FRMPD1: variants seen among roughly 807,000 people sequenced by gnomAD.
FRMPD1 encodes FERM and PDZ domain-containing protein 1.
In FRMPD1, 76 loss-of-function variants were observed where a neutral mutation model predicts 117.8. That is an observed-to-expected ratio of 0.65 (90% confidence interval 0.54 to 0.78). The LOEUF (loss-of-function observed/expected upper bound fraction) is 0.78. Ranked by LOEUF, FRMPD1 falls within the 30% of genes least tolerant of loss-of-function variation. The probability of loss-of-function intolerance (pLI) is 0.00; values close to 1 mark genes in which losing one functional copy is unlikely to be tolerated. For synonymous variants in FRMPD1, 783 were observed against 770.4 expected, an observed-to-expected ratio of 1.02 and a Z score of -0.27; for missense variants, 1,786 against 1,964.5, an observed-to-expected ratio of 0.91 and a Z score of 1.72.
In FRMPD1 at chr9:37,732,407, C is replaced by T. The variant is rs750198871; in HGVS notation, c.962C>T (p.Ala321Val). The T allele has an allele frequency of 8.7e-6, 14 of 1,613,374 alleles. No homozygotes were observed. In the South Asian group the frequency reaches 1.4e-4, roughly 16 times the overall value. Residue 321 changes from alanine (A) to valine (V), a missense_variant, in exon 10 of 16, where the codon GCC becomes GTC. Coordinates refer to ENST00000377765, the MANE Select transcript of FRMPD1 (RefSeq NM_014907.3). ...LHIQERIYACAQPQKISLKYI... is the reference protein window; with the variant it reads ...LHIQERIYACVQPQKISLKYI... ...ATCCAGGAACGGATCTACGCCTGTG[C>T]CCAGCCACAGAAGATCTCTTTAAAG...
chr9:37,673,956 G>A (rs1271248871), intron 1 of FRMPD1, among the ~76,000 whole-genome samples: 2 of 152,230 alleles, frequency 1.3e-5, no homozygotes, highest in South Asian at 4.1e-4. Context: ...TGCCATGAAG[G>A]TCTCTGACAT....
rs79905833 is a variant in FRMPD1 at position 37,696,725 on chromosome 9, A to C, written c.101+3983A>C. 2.0e-3 allele frequency among the ~76,000 whole-genome samples: 310 copies of C among 152,356 alleles called. 1 individual carries two copies. Among genetic ancestry groups the C allele is most frequent in the African/African-American group, 7.0e-3 (292 of 41,586 alleles). On this transcript the variant is annotated intron_variant, in intron 2 of 15. Transcript: ENST00000377765. The stretch of plus-strand genomic sequence containing the variant: ...AAGGAAGTGTATTGAAATGTCCTCT[A>C]TAGTGCAGAAGGAAGAAACACAGAT...
the FRMPD1 span, among the ~76,000 whole-genome samples, chr9:37,612,333 GTTTGTTTTTGCT>G: frequency 6.6e-6 from 1 of 151,626 alleles, no homozygotes; most frequent in Non-Finnish European, 1.5e-5. Flanking sequence ...TTTTGTTTTT[GTTTGTTTTTGCT>G]TTTGTTTTTG....
chr9:37,744,715 G>T lies in FRMPD1; in HGVS notation c.2683G>T (p.Gly895Cys), dbSNP rs762174970. ...TCTGCAGGACATGCAGGGTGAGCCT[G>T]GCCTTCTGGAGACCAAGGCCTTGGG... ...SSLQDMQGEP[G>C]LLETKALGLL... Residue 895 changes from glycine to cysteine, a missense_variant, in exon 16 of 16, where the codon GGC (glycine) becomes TGC (cysteine). Gly to Cys is a radical substitution (Grantham distance 159, BLOSUM62 -3). Coordinates refer to ENST00000377765, the MANE Select transcript of FRMPD1 (RefSeq NM_014907.3). 2 of 1,614,044 alleles carry T rather than the reference G, an allele frequency of 1.2e-6. No homozygotes were observed. Among genetic ancestry groups the T allele is most frequent in the Non-Finnish European group, 8.5e-7 (1 of 1,180,002 alleles).
rs199563469 is a variant in FRMPD1 at position 37,733,793 on chromosome 9, T to C, written c.1186T>C (p.Tyr396His). 1.3e-6 allele frequency: 2 copies of C among 1,598,814 alleles called. No individual in the cohort carries two copies. Among genetic ancestry groups the C allele is most frequent in the Non-Finnish European group, 1.7e-6 (2 of 1,166,170 alleles). Reference sequence around the variant, plus strand: ...ACAGATCCTCGGAGAACTCAAGACATATGGTGGAAGAATCTTTAATGCTAC... The same window carrying C: ...ACAGATCCTCGGAGAACTCAAGACACATGGTGGAAGAATCTTTAATGCTAC... ...YLQILGELKT[Y>H]GGRIFNATLM... Residue 396 changes from tyrosine to histidine, a missense_variant, in exon 12 of 16, where the codon TAT becomes CAT. Tyr to His is a moderately conservative substitution (Grantham distance 83). Coordinates refer to ENST00000377765, the MANE Select transcript of FRMPD1 (RefSeq NM_014907.3).
At chr9:37,718,513 C>A (rs573002304) in intron 5 of FRMPD1, among the ~76,000 whole-genome samples, 25 of 152,172 alleles carry the variant, frequency 1.6e-4, no homozygotes, top group Non-Finnish European at 3.1e-4. Flanking sequence ...TGATGACTCT[C>A]TTTACTTCTT....
Position 37,740,687 on chromosome 9 carries a change from G to A in FRMPD1, c.2159G>A (p.Ser720Asn), listed in dbSNP as rs1489586287. The A allele has an allele frequency of 6.2e-7, 1 of 1,614,072 alleles. No individual in the cohort carries two copies. Among genetic ancestry groups the A allele is most frequent in the Admixed American group, 1.7e-5 (1 of 60,010 alleles). Reference sequence around the variant, plus strand: ...AGTGTCTCCCCGGCCAGCTACCTGAGTGACAGTTCCGAGAGTACAGCTTCC... The same window carrying A: ...AGTGTCTCCCCGGCCAGCTACCTGAATGACAGTTCCGAGAGTACAGCTTCC... ...CSSVSPASYL[S>N]DSSESTASRQ... Residue 720 changes from serine (S) to asparagine (N), a missense_variant, in exon 15 of 16, where the codon AGT (serine) becomes AAT (asparagine). Transcript: ENST00000377765. This position sits in a 1 kb window ranked among gnomAD's most constrained non-coding sequence, Gnocchi z 4.2.
intron 14 of FRMPD1, 84 bp from the exon 15 acceptor site, chr9:37,739,994 G>T (rs1824305138): frequency 2.0e-6 from 2 of 1,019,656 alleles, no homozygotes; most frequent in Admixed American, 4.5e-5. Context: ...TCGTCTGGCA[G>T]GGTTGGGTGG....
chr9:37,696,777 A>G (rs192358991), intron 2 of FRMPD1, among the ~76,000 whole-genome samples: 45 of 152,342 alleles, frequency 3.0e-4, no homozygotes, highest in African/African-American at 4.3e-4. Context: ...ATAATTTTAC[A>G]TGCATATTTT....
At chr9:37,648,984 G>A (rs1251592579), upstream of FRMPD1, among the ~76,000 whole-genome samples, 1 of 152,128 alleles carries the variant, frequency 6.6e-6, no homozygotes, top group African/African-American at 2.4e-5. Flanking sequence ...GGTAAAGGAG[G>A]CTGAGGGGCA....
chr9:37,617,625 C>T, the FRMPD1 span, among the ~76,000 whole-genome samples: 2 of 152,154 alleles, frequency 1.3e-5, no homozygotes, highest in Admixed American at 6.5e-5. Flanking sequence ...ACCACTTGAC[C>T]GGATTCGGGA....
At position 37,746,748 on chromosome 9, in the gene FRMPD1, C is replaced by G; in HGVS notation, c.4716C>G (p.Phe1572Leu). The change falls in exon 16 of 16, where the codon TTC (phenylalanine) becomes TTG (leucine). Residue 1572 changes from phenylalanine to leucine, a missense_variant. Coordinates refer to ENST00000377765, the MANE Select transcript of FRMPD1 (RefSeq NM_014907.3). ...CCGTGTTCTGTTTGACCCAGAAGTT[C>G]CGGGCATCCACGGCCCTGTAAACAG... is the stretch of plus-strand genomic sequence containing the variant. ...TAAVFCLTQK[F>L]RASTAL 2 of 1,613,982 alleles carry G rather than the reference C, an allele frequency of 1.2e-6. No individual in the cohort carries two copies. The highest frequency in any genetic ancestry group is 1.7e-6 in the Non-Finnish European group (2 of 1,179,990).
chr9:37,736,200 AC>A (rs1445077525), intron 13 of FRMPD1, among the ~76,000 whole-genome samples: 1 of 151,646 alleles, frequency 6.6e-6, no homozygotes, highest in Non-Finnish European at 1.5e-5. Flanking sequence ...ATGGGGTTTC[AC>A]TGTGTTAGCC....
upstream of FRMPD1, among the ~76,000 whole-genome samples, chr9:37,648,762 G>A (rs1449619035): frequency 6.6e-6 from 1 of 152,148 alleles, no homozygotes; most frequent in East Asian, 1.9e-4. Flanking sequence ...TTGAGATAGG[G>A]AAGCAATGCA....
intron 1 of FRMPD1, among the ~76,000 whole-genome samples, chr9:37,671,971 A>C (rs914049385): frequency 1.3e-5 from 2 of 152,182 alleles, no homozygotes; most frequent in African/African-American, 4.8e-5. Context: ...ATCTCAAAAC[A>C]ACAACAACAA....
chr9:37,603,397 C>G, the FRMPD1 span, among the ~76,000 whole-genome samples: 1 of 151,940 alleles, frequency 6.6e-6, no homozygotes. Context: ...TAGCAGGCAC[C>G]ATGAGCAAAA....
rs761695704 is a variant in FRMPD1 at position 37,729,829 on chromosome 9, G to T, written c.714G>T (p.Leu238=). 4 of 1,613,972 alleles carry T rather than the reference G, an allele frequency of 2.5e-6. No homozygotes were observed. Among genetic ancestry groups the T allele is most frequent in the Non-Finnish European group, 3.4e-6 (4 of 1,179,974 alleles). The change falls in exon 8 of 16, where the codon CTG becomes CTT. Residue 238 remains leucine, a synonymous_variant. Transcript: ENST00000377765. ...ACAGCATCTCCCGGCTGCACCTGCT[G>T]CACGAAGAGGAACTCATCCAGCAGG... The part of the protein sequence containing the change: ...EQYSISRLHL[L]HEEELIQQVV...
intron 5 of FRMPD1, among the ~76,000 whole-genome samples, chr9:37,718,618 A>G (rs1823254359): frequency 6.6e-6 from 1 of 152,232 alleles, no homozygotes; most frequent in Admixed American, 6.5e-5. Flanking sequence ...TCTAACTCCT[A>G]TATTGTGTAG....
chr9:37,678,790 T>C (rs1016853701), intron 1 of FRMPD1, among the ~76,000 whole-genome samples: 2 of 152,092 alleles, frequency 1.3e-5, no homozygotes, highest in African/African-American at 4.8e-5. Context: ...CACTGCAGAG[T>C]CAGCTGCACC....
Sources: allele counts gnomAD v4.1 joint callset (sites outside exome capture counted in the v4.1 genomes callset), GRCh38; gene constraint gnomAD v4.1.1; non-coding constraint Gnocchi (gnomAD v3.1); transcripts MANE v1.5; gene names NCBI Gene and HGNC (gene_info 2026-07-23, HGNC 2026-07-21).